Variants in SCRG1 observed in about 807,000 individuals in gnomAD.
The protein encoded by SCRG1 is scrapie-responsive protein 1.
A neutral mutation model predicts 7.7 loss-of-function variants in SCRG1; 3 were observed. The ratio of observed to expected loss-of-function variants is 0.39; its 90% confidence interval spans 0.18 to 1.01. The LOEUF (loss-of-function observed/expected upper bound fraction) is 1.01. SCRG1 is among the 50% of genes least tolerant of loss of function. The pLI, the probability that SCRG1 is intolerant of heterozygous loss-of-function variation, is 0.36. For synonymous variants in SCRG1, 46 were observed against 41.2 expected, an observed-to-expected ratio of 1.12 and a Z score of -0.44; for missense variants, 110 against 117.2, an observed-to-expected ratio of 0.94 and a Z score of 0.28.
the SCRG1 span, among the ~76,000 whole-genome samples, chr4:173,489,640 G>C: frequency 6.6e-6 from 1 of 152,050 alleles, no homozygotes. Context: ...CAATTGCTGG[G>C]ATCAAAAGAA....
At chr4:173,492,610 A>G in the SCRG1 span, among the ~76,000 whole-genome samples, 10 of 152,296 alleles carry the variant, frequency 6.6e-5, no homozygotes, top group South Asian at 6.2e-4. Context: ...GAAAGGCTGG[A>G]GGAGTAGAGT....
the SCRG1 span, among the ~76,000 whole-genome samples, chr4:173,480,481 T>C: frequency 2.6e-5 from 4 of 152,164 alleles, no homozygotes; most frequent in Non-Finnish European, 5.9e-5. Flanking sequence ...TCACATGTGT[T>C]CCTTGATTAG....
At chr4:173,447,029 C>T in the SCRG1 span, among the ~76,000 whole-genome samples, 1 of 152,136 alleles carries the variant, frequency 6.6e-6, no homozygotes, top group African/African-American at 2.4e-5. Flanking sequence ...TTTTATCTGC[C>T]ACTGTGAGCT....
At chr4:173,455,960 A>G in the SCRG1 span, among the ~76,000 whole-genome samples, 11 of 152,166 alleles carry the variant, frequency 7.2e-5, no homozygotes, top group Non-Finnish European at 1.5e-4. Flanking sequence ...GGAGCATGGT[A>G]GGCAGAAATC....
Position 173,399,059 on chromosome 4 carries a change from AT to A in SCRG1, c.-15+8del, listed in dbSNP as rs1326866929. On this transcript the variant is annotated splice_region_variant and intron_variant, in intron 1 of 2. Transcript: ENST00000296506. ...ATAAGATGTTTTTTATAGAGAAAAA[AT>A]TACATACCTTTTTCTTCTTTCCTTT... 6 of 152,244 alleles carry A rather than the reference AT, an allele frequency of 3.9e-5. No homozygotes were observed. The highest frequency in any genetic ancestry group is 7.3e-5 in the Non-Finnish European group (5 of 68,046). The allele number at this position is 152,244 out of a possible 1,614,324, so 9.4% of individuals were successfully genotyped here.
At chr4:173,391,532 A>G in intron 1 of SCRG1, 104 bp from the exon 2 acceptor site, 2 of 1,169,858 alleles carry the variant, frequency 1.7e-6, no homozygotes, top group Non-Finnish European at 2.4e-6. Context: ...GGATAGAAAG[A>G]ATGGGAGTTG....
upstream of SCRG1, chr4:173,399,507 T>TGTTTGTGTGTCTGA (rs1560833546): frequency 1.4e-5 from 1 of 73,460 alleles, no homozygotes; most frequent in African/African-American, 4.6e-5. Context: ...TGTCTGTGTG[T>TGTTTGTGTGTCTGA]GAGAGAGAGA....
the SCRG1 span, among the ~76,000 whole-genome samples, chr4:173,515,107 G>A: frequency 6.6e-6 from 1 of 152,180 alleles, no homozygotes; most frequent in Non-Finnish European, 1.5e-5. The surrounding 1 kb of genome is among the most constrained non-coding windows in gnomAD (Gnocchi z 4.6). Flanking sequence ...CCAAAAAGGT[G>A]GCAACTGGGG....
chr4:173,498,000 G>A, the SCRG1 span, among the ~76,000 whole-genome samples: 3 of 152,174 alleles, frequency 2.0e-5, no homozygotes, highest in Non-Finnish European at 4.4e-5. Context: ...TTAATGGTGA[G>A]TAATTCCTAC....
the SCRG1 span, among the ~76,000 whole-genome samples, chr4:173,506,385 G>A: frequency 6.6e-6 from 1 of 152,160 alleles, no homozygotes; most frequent in African/African-American, 2.4e-5. The surrounding 1 kb of genome is among the most constrained non-coding windows in gnomAD (Gnocchi z 5.3). Context: ...AGACGGCCCA[G>A]GCTGCAGGGC....
the SCRG1 span, among the ~76,000 whole-genome samples, chr4:173,500,835 TAGTC>T: frequency 6.6e-6 from 1 of 152,206 alleles, no homozygotes; most frequent in South Asian, 2.1e-4. Flanking sequence ...GTTTATTAAA[TAGTC>T]ACTCTCCCCG....
chr4:173,510,335 T>C, the SCRG1 span, among the ~76,000 whole-genome samples: 1 of 151,942 alleles, frequency 6.6e-6, no homozygotes, highest in Non-Finnish European at 1.5e-5. This position sits in a 1 kb window ranked among gnomAD's most constrained non-coding sequence, Gnocchi z 5.7. Context: ...TCCTAAGGCC[T>C]AAGGAAAGCA....
the SCRG1 span, among the ~76,000 whole-genome samples, chr4:173,456,347 T>G: frequency 2.6e-5 from 4 of 152,196 alleles, no homozygotes; most frequent in African/African-American, 4.8e-5. Flanking sequence ...CCAAAGTATA[T>G]CTTAACATTC....
At chr4:173,410,346 A>G (rs1740012787), upstream of SCRG1, among the ~76,000 whole-genome samples, 1 of 152,266 alleles carries the variant, frequency 6.6e-6, no homozygotes, top group African/African-American at 2.4e-5. Context: ...CCATATGCAC[A>G]GTGCTACCCT....
the SCRG1 span, among the ~76,000 whole-genome samples, chr4:173,425,657 T>C: frequency 2.6e-5 from 4 of 152,348 alleles, no homozygotes; most frequent in African/African-American, 9.6e-5. Context: ...GCATGAGGGC[T>C]GGATTCTGAA....
the SCRG1 span, among the ~76,000 whole-genome samples, chr4:173,430,033 T>C: frequency 2.0e-5 from 3 of 151,960 alleles, no homozygotes; most frequent in Non-Finnish European, 4.4e-5. Context: ...TAACAATGGG[T>C]TTGGATTTTA....
upstream of SCRG1, among the ~76,000 whole-genome samples, chr4:173,403,707 G>A (rs751894887): frequency 6.6e-6 from 1 of 152,176 alleles, no homozygotes; most frequent in Non-Finnish European, 1.5e-5. Flanking sequence ...AAGAGGCCAA[G>A]AAGGAAAGGA....
At chr4:173,451,731 C>T in the SCRG1 span, among the ~76,000 whole-genome samples, 8 of 151,618 alleles carry the variant, frequency 5.3e-5, no homozygotes, top group South Asian at 2.1e-4. Context: ...TGCAGTGGCA[C>T]GATCTCAGCT....
the SCRG1 span, among the ~76,000 whole-genome samples, chr4:173,479,693 G>A: frequency 2.6e-5 from 4 of 152,108 alleles, no homozygotes; most frequent in East Asian, 1.9e-4. Context: ...ACTCGCCTCC[G>A]TCTTCGAAAT....
Sources: gnomAD v4.1 joint callset for allele counts (sites outside exome capture counted in the v4.1 genomes callset) on GRCh38, gnomAD v4.1.1 for gene constraint, Gnocchi (gnomAD v3.1) non-coding constraint, MANE v1.5 for transcripts, NCBI Gene and HGNC (gene_info 2026-07-23, HGNC 2026-07-21) for gene names.